The following TRIM63 variants were observed in gnomAD, a reference collection of about 807,000 sequenced individuals.
TRIM63 encodes tripartite motif containing 63.
Under a neutral mutation model 46.0 loss-of-function variants are expected in TRIM63, and 48 were observed. The observed-to-expected ratio is 1.04, with a 90% CI of 0.83 to 1.33. TRIM63 has a LOEUF of 1.33. TRIM63 is among the 40% of genes most tolerant of loss of function. The pLI is 0.00. For missense variants in TRIM63, 455 were observed against 441.2 expected (o/e 1.03, Z -0.28); for synonymous variants, 175 against 162.8 (o/e 1.08, Z -0.57).
chr1:26,061,384 C>T, intron 2 of TRIM63, 50 bp from the exon 3 acceptor site: 1 of 1,590,222 alleles, frequency 6.3e-7, no homozygotes, highest in Non-Finnish European at 8.6e-7. Flanking sequence ...TCCCTGCATC[C>T]CCCTCCCCAG....
At chr1:26,057,382 G>A in intron 6 of TRIM63, 55 bp from the exon 7 acceptor site, 5 of 1,598,912 alleles carry the variant, frequency 3.1e-6, no homozygotes, top group Middle Eastern at 2.0e-4. Context: ...TCAGTGCAGG[G>A]AAGAGAGGGC....
intron 3 of TRIM63, among the ~76,000 whole-genome samples, chr1:26,060,608 G>A (rs1338351965): frequency 6.6e-6 from 1 of 152,194 alleles, no homozygotes; most frequent in Non-Finnish European, 1.5e-5. Flanking sequence ...ACACAGCAAG[G>A]AACTGACAGA....
At chr1:26,054,052 A>G (rs555875008) in intron 7 of TRIM63, 88 bp from the exon 8 acceptor site, 4 of 928,894 alleles carry the variant, frequency 4.3e-6, no homozygotes, top group Non-Finnish European at 6.4e-6. Flanking sequence ...AGCACGGTCT[A>G]AACCCCTTCC....
At chr1:26,063,316 A>G (rs956467803) in intron 2 of TRIM63, among the ~76,000 whole-genome samples, 5 of 152,170 alleles carry the variant, frequency 3.3e-5, no homozygotes, top group African/African-American at 1.2e-4. Flanking sequence ...CCAGCCCCAA[A>G]CAGAACAGGC....
In TRIM63 at chr1:26,057,511, G is replaced by C. The variant is rs1201808557; in HGVS notation, c.854+117C>G. ...AAAGTCAGGGATGCAAAGGGTCAGG[G>C]AAGCCAGCCTAGAGTGAGACCCTCC... On this transcript the variant is annotated intron_variant, in intron 6 of 8. Transcript: ENST00000374272. 2.8e-6 allele frequency: 4 copies of C among 1,419,570 alleles called. No homozygotes were observed. The African/African-American group carries it at 5.7e-5, about 20-fold the overall frequency. 87.9% of individuals were successfully genotyped at this position (1,419,570 alleles called of 1,614,324 possible).
At chr1:26,057,892 T>C (rs2050587095) in intron 5 of TRIM63, among the ~76,000 whole-genome samples, 1 of 152,148 alleles carries the variant, frequency 6.6e-6, no homozygotes, top group African/African-American at 2.4e-5. Context: ...ATTCTAGGGG[T>C]ATCAATCCCA....
At chr1:26,063,301 G>A (rs754835008) in intron 2 of TRIM63, among the ~76,000 whole-genome samples, 14 of 151,992 alleles carry the variant, frequency 9.2e-5, no homozygotes, top group African/African-American at 2.4e-4. Flanking sequence ...CACTACCTTC[G>A]ATTCCCAGCC....
At chr1:26,053,801 T>A in intron 8 of TRIM63, 92 bp downstream of exon 8, 3 of 956,754 alleles carry the variant, frequency 3.1e-6, no homozygotes, top group Non-Finnish European at 4.8e-6. Context: ...TCATTGCCAA[T>A]GTCTAACACA....
At chr1:26,059,597 GA>G (rs1242010769) in intron 4 of TRIM63, among the ~76,000 whole-genome samples, 2 of 152,134 alleles carry the variant, frequency 1.3e-5, no homozygotes, top group Non-Finnish European at 2.9e-5. Flanking sequence ...TCTCGTGGGT[GA>G]TCACAATGTT....
chr1:26,057,614 A>G lies in TRIM63; in HGVS notation c.854+14T>C. On this transcript the variant is annotated intron_variant, in intron 6 of 8. Coordinates refer to ENST00000374272, the MANE Select transcript of TRIM63 (RefSeq NM_032588.4). The stretch of plus-strand genomic sequence containing the variant: ...ACTAGGTGCTTGGATCATAGCCTCT[A>G]GGAAGACACTGACCTTTTGATGAGT... The G allele has an allele frequency of 1.9e-6, 3 of 1,610,122 alleles. No individual in the cohort carries two copies. The South Asian group carries it at 3.3e-5, about 18-fold the overall frequency.
Position 26,058,086 on chromosome 1 carries a change from T to C in TRIM63, c.831+304A>G, listed in dbSNP as rs1041471750. Among the ~76,000 whole-genome samples the C allele has an allele frequency of 1.2e-4, 19 of 152,338 alleles. 1 individual carries two copies. Among genetic ancestry groups the C allele is most frequent in the African/African-American group, 4.6e-4 (19 of 41,580 alleles). ...AGGGCAGGGCTGTGTCTGGTTTATC[T>C]CCTTGTCTTCCACCTCAGTGCCTGG... On this transcript the variant is annotated intron_variant, in intron 5 of 8. Transcript: ENST00000374272.
At chr1:26,052,623 C>A (rs182533954) in intron 8 of TRIM63, among the ~76,000 whole-genome samples, 1 of 151,998 alleles carries the variant, frequency 6.6e-6, no homozygotes, top group South Asian at 2.1e-4. Flanking sequence ...CCCGTCACCA[C>A]GCCTGGCTAA....
Position 26,057,322 on chromosome 1 carries a change from A to G in TRIM63, c.860T>C (p.Val287Ala). The G allele has an allele frequency of 1.2e-6, 2 of 1,614,078 alleles. No individual in the cohort carries two copies. Among genetic ancestry groups the G allele is most frequent in the African/African-American group, 1.3e-5 (1 of 75,050 alleles). ...CAGCTGGCAGCCCTTGGAAGCTTCC[A>G]CAATGCTGCAGGGGAGACAGAAAGA... is the stretch of plus-strand genomic sequence containing the variant. ...LTAKQLIKSI[V>A]EASKGCQLGK... Residue 287 changes from valine (V) to alanine (A), a missense_variant, in exon 7 of 9, where the codon GTG becomes GCG. By Grantham distance (64) the Val-to-Ala change is moderately conservative (BLOSUM62 0). Coordinates refer to ENST00000374272, the MANE Select transcript of TRIM63 (RefSeq NM_032588.4).
In TRIM63 at chr1:26,058,573, C is replaced by G; in HGVS notation, c.648G>C (p.Leu216Phe). The G allele has an allele frequency of 6.2e-7, 1 of 1,614,216 alleles. No individual in the cohort carries two copies. Among genetic ancestry groups the G allele is most frequent in the Non-Finnish European group, 8.5e-7 (1 of 1,180,040 alleles). ...KEELSQKFDTLYAILDEKKSE... is the reference protein window; with the variant it reads ...KEELSQKFDTFYAILDEKKSE... ...TTTTCTTCTCATCCAGGATGGCATACAACGTGTCAAACTTCTGGCTCAGCT... is the reference window on the plus strand; with the variant it reads ...TTTTCTTCTCATCCAGGATGGCATAGAACGTGTCAAACTTCTGGCTCAGCT... The change falls in exon 5 of 9, where the codon TTG (leucine) becomes TTC (phenylalanine). Residue 216 changes from leucine (L) to phenylalanine (F), a missense_variant. Coordinates refer to ENST00000374272, the MANE Select transcript of TRIM63 (RefSeq NM_032588.4).
chr1:26,059,611 C>T (rs1444446936), intron 4 of TRIM63, among the ~76,000 whole-genome samples: 1 of 152,156 alleles, frequency 6.6e-6, no homozygotes, highest in African/African-American at 2.4e-5. Context: ...ACAATGTTCC[C>T]CTCCTTCCTA....
intron 4 of TRIM63, 58 bp from the exon 5 acceptor site, chr1:26,058,681 A>G (rs370299497): frequency 1.3e-5 from 18 of 1,402,476 alleles, no homozygotes; most frequent in Non-Finnish European, 1.8e-5. Context: ...TGCCCACTAC[A>G]CTGCCTTCCT....
At chr1:26,057,766 G>T in intron 5 of TRIM63, 116 bp from the exon 6 acceptor site, 1 of 1,072,500 alleles carries the variant, frequency 9.3e-7, no homozygotes, top group Non-Finnish European at 1.3e-6. Flanking sequence ...CCCTAGCCCA[G>T]TTGTGACCTG....
At position 26,067,588 on chromosome 1, in the gene TRIM63, G is replaced by T. The variant is rs745881632; in HGVS notation, c.-94C>A. On this transcript the variant is annotated 5_prime_UTR_variant, in exon 1 of 9. Transcript: ENST00000374272. ...GGTCTTGCCTTTGTCACAAAACACC[G>T]GGTCGGATCCTGTTGGCTTCCTTCT... 4.2e-6 allele frequency: 6 copies of T among 1,423,276 alleles called. No individual in the cohort carries two copies. The East Asian group carries it at 1.4e-4, about 34-fold the overall frequency. The allele number at this position is 1,423,276 out of a possible 1,614,324, so 88.2% of individuals were successfully genotyped here.
At chr1:26,066,219 C>T (rs1223659054) in intron 2 of TRIM63, 49 bp downstream of exon 2, 1 of 1,605,864 alleles carries the variant, frequency 6.2e-7, no homozygotes, top group Non-Finnish European at 8.5e-7. Flanking sequence ...GATCTAGGCA[C>T]AGCATGGCTG....
Sources: allele counts gnomAD v4.1 joint callset (sites outside exome capture counted in the v4.1 genomes callset), GRCh38; gene constraint gnomAD v4.1.1; transcripts MANE v1.5; gene names NCBI Gene and HGNC (gene_info 2026-07-23, HGNC 2026-07-21).